The following NETO1 variants were observed in gnomAD, a reference collection of about 807,000 sequenced individuals.
NETO1 encodes neuropilin and tolloid like 1.
Under a neutral mutation model 61.3 loss-of-function variants are expected in NETO1, and 26 were observed. That is an observed-to-expected ratio of 0.42 (90% confidence interval 0.31 to 0.59). NETO1 has a LOEUF of 0.59. NETO1 is among the 20% of genes least tolerant of loss of function. The pLI is 0.12. For synonymous variants in NETO1, 225 were observed against 225.8 expected, an observed-to-expected ratio of 1.00 and a Z score of 0.03; for missense variants, 531 against 662.8, an observed-to-expected ratio of 0.80 and a Z score of 2.18.
At chr18:72,850,962 T>C (rs917679206) in intron 4 of NETO1, among the ~76,000 whole-genome samples, 6 of 152,294 alleles carry the variant, frequency 3.9e-5, no homozygotes, top group Non-Finnish European at 5.9e-5. Flanking sequence ...TGAATGTGCA[T>C]GGAACGAGCT....
At chr18:72,833,253 A>G (rs1191753046) in intron 4 of NETO1, among the ~76,000 whole-genome samples, 1 of 152,218 alleles carries the variant, frequency 6.6e-6, no homozygotes, top group Non-Finnish European at 1.5e-5. Flanking sequence ...TTTGAGTCAT[A>G]GATATTTCTG....
At chr18:72,847,700 A>G (rs1228266197) in intron 4 of NETO1, among the ~76,000 whole-genome samples, 4 of 152,248 alleles carry the variant, frequency 2.6e-5, no homozygotes, top group Non-Finnish European at 5.9e-5. Context: ...AGGAAAGTCC[A>G]GAACGGAGAA....
chr18:72,786,906 C>A (rs1285900153), intron 6 of NETO1, among the ~76,000 whole-genome samples: 1 of 150,192 alleles, frequency 6.7e-6, no homozygotes, highest in Non-Finnish European at 1.5e-5. Context: ...AGAGCGAGAC[C>A]CCATCTCCAA....
chr18:72,853,520 G>A (rs931503458), intron 4 of NETO1: 1 of 152,092 alleles, frequency 6.6e-6, no homozygotes, highest in Non-Finnish European at 1.5e-5. Context: ...GCATTTGGGG[G>A]GCTGAGGTGG....
At chr18:72,743,250 TG>T (rs1444959662), downstream of NETO1, among the ~76,000 whole-genome samples, 1 of 152,192 alleles carries the variant, frequency 6.6e-6, no homozygotes, top group East Asian at 1.9e-4. Context: ...CTCAATTAGA[TG>T]ATCTTCTGAG....
intron 3 of NETO1, among the ~76,000 whole-genome samples, chr18:72,860,695 A>G (rs1424594395): frequency 1.3e-5 from 2 of 152,140 alleles, no homozygotes; most frequent in African/African-American, 4.8e-5. Context: ...AGTAACCACA[A>G]TAATGACAGA....
intron 4 of NETO1, among the ~76,000 whole-genome samples, chr18:72,842,589 C>T (rs1942462): frequency 0.98 from 149,512 of 152,284 alleles, 73,407 homozygotes; most frequent in East Asian, 1. Flanking sequence ...CTAGAATCAC[C>T]GAGAACAACT....
At chr18:72,840,821 T>G (rs1341372010) in intron 4 of NETO1, among the ~76,000 whole-genome samples, 2 of 152,110 alleles carry the variant, frequency 1.3e-5, no homozygotes, top group Non-Finnish European at 2.9e-5. Flanking sequence ...TTAGAAATGA[T>G]CACAATAGTA....
chr18:72,822,581 C>G (rs139414331), intron 4 of NETO1, among the ~76,000 whole-genome samples: 1 of 152,208 alleles, frequency 6.6e-6, no homozygotes, highest in African/African-American at 2.4e-5. Flanking sequence ...AACTTTCCTA[C>G]CGCCAAGCAA....
At chr18:72,854,226 G>A (rs1963490417) in intron 4 of NETO1, among the ~76,000 whole-genome samples, 1 of 152,108 alleles carries the variant, frequency 6.6e-6, no homozygotes, top group African/African-American at 2.4e-5. Context: ...TGCTATTTAA[G>A]TACAAAATAT....
intron 4 of NETO1, among the ~76,000 whole-genome samples, chr18:72,853,954 T>C (rs2074337102): frequency 6.6e-6 from 1 of 152,156 alleles, no homozygotes; most frequent in African/African-American, 2.4e-5. Flanking sequence ...GGTTAATACA[T>C]ATATATTCAC....
chr18:72,864,482 C>A (rs2074673620), intron 3 of NETO1, among the ~76,000 whole-genome samples: 2 of 152,218 alleles, frequency 1.3e-5, no homozygotes, highest in South Asian at 4.1e-4. Flanking sequence ...TAGTTTCTCA[C>A]ACTTACACAG....
chr18:72,794,082 C>A (rs1349095558), intron 6 of NETO1, 35 bp downstream of exon 6: 2 of 1,613,644 alleles, frequency 1.2e-6, no homozygotes, highest in East Asian at 2.2e-5. Flanking sequence ...TTCTCAACGT[C>A]AGCTGTCAAG....
At chr18:72,843,901 G>A (rs1568252120) in intron 4 of NETO1, among the ~76,000 whole-genome samples, 1 of 152,176 alleles carries the variant, frequency 6.6e-6, no homozygotes, top group Non-Finnish European at 1.5e-5. Context: ...AATTTGCTTA[G>A]ATAAGCGTAT....
chr18:72,853,413 T>G (rs1250465128), intron 4 of NETO1: 1 of 152,594 alleles, frequency 6.6e-6, no homozygotes, highest in African/African-American at 2.4e-5. Flanking sequence ...AGACAACACA[T>G]ACTGACCTAA....
chr18:72,764,082 C>T (rs1220158366), intron 7 of NETO1, among the ~76,000 whole-genome samples: 2 of 152,126 alleles, frequency 1.3e-5, no homozygotes, highest in African/African-American at 2.4e-5. Context: ...ATTATTTCCA[C>T]CTGGTCCAGC....
intron 4 of NETO1, among the ~76,000 whole-genome samples, chr18:72,811,408 T>C (rs2072862274): frequency 6.6e-6 from 1 of 152,244 alleles, no homozygotes; most frequent in Non-Finnish European, 1.5e-5. Flanking sequence ...GCTATGGCTT[T>C]CTTCTGGATG....
At chr18:72,763,181 T>C (rs1383164293) in intron 7 of NETO1, among the ~76,000 whole-genome samples, 2 of 152,002 alleles carry the variant, frequency 1.3e-5, no homozygotes, top group Non-Finnish European at 2.9e-5. Context: ...TCAAGAAATA[T>C]TAAAACACAT....
At chr18:72,756,315 C>A (rs564905518) in intron 7 of NETO1, among the ~76,000 whole-genome samples, 168 bp from the exon 8 acceptor site, 1 of 152,048 alleles carries the variant, frequency 6.6e-6, no homozygotes, top group African/African-American at 2.4e-5. Context: ...GTAATTATTT[C>A]TTGTGTTACT....
Sources: allele counts gnomAD v4.1 joint callset (sites outside exome capture counted in the v4.1 genomes callset), GRCh38; gene constraint gnomAD v4.1.1; transcripts MANE v1.5; gene names NCBI Gene and HGNC (gene_info 2026-07-23, HGNC 2026-07-21).